VTI1A: variants seen among roughly 807,000 people sequenced by gnomAD.
The protein encoded by VTI1A is vesicle transport through interaction with t-SNAREs 1A, also known as vesicle transport through interaction with t-SNAREs homolog 1A.
VTI1A carries 22 observed loss-of-function variants against 34.9 expected under a neutral mutation model. The observed-to-expected ratio is 0.63, with a 90% confidence interval of 0.45 to 0.90. The LOEUF (loss-of-function observed/expected upper bound fraction) is 0.90, where lower values mean the gene tolerates loss of function less well. VTI1A is among the 40% of genes least tolerant of loss of function. The pLI, the probability that VTI1A is intolerant of heterozygous loss-of-function variation, is 0.00. For synonymous variants in VTI1A, 87 were observed against 97.3 expected, an observed-to-expected ratio of 0.89 and a Z score of 0.62; for missense variants, 268 against 275.6, an observed-to-expected ratio of 0.97 and a Z score of 0.20.
intron 5 of VTI1A, among the ~76,000 whole-genome samples, chr10:112,625,008 G>T (rs1845868348): frequency 6.6e-6 from 1 of 152,170 alleles, no homozygotes; most frequent in Admixed American, 6.5e-5. Flanking sequence ...TGAGGCAGGA[G>T]GATCACTTGA....
At chr10:112,452,734 TTTTG>T (rs1489940124) in intron 1 of VTI1A, among the ~76,000 whole-genome samples, 1 of 151,644 alleles carries the variant, frequency 6.6e-6, no homozygotes, top group Non-Finnish European at 1.5e-5. Context: ...AGTCTTTTGT[TTTTG>T]TTTTTTTTTT....
intron 2 of VTI1A, among the ~76,000 whole-genome samples, chr10:112,462,202 A>T (rs1040381876): frequency 3.3e-5 from 5 of 152,174 alleles, no homozygotes; most frequent in African/African-American, 1.2e-4. Context: ...TGATTTGACT[A>T]TTGGGATTAA....
intron 7 of VTI1A, among the ~76,000 whole-genome samples, chr10:112,690,723 TG>T (rs1848583318): frequency 6.6e-6 from 1 of 152,202 alleles, no homozygotes; most frequent in Admixed American, 6.5e-5. Flanking sequence ...GCTGGCTAGT[TG>T]TAAAAATGAA....
At chr10:112,589,016 G>GACTTTTTTTTTTTT (rs1564838936) in intron 5 of VTI1A, among the ~76,000 whole-genome samples, 1 of 85,272 alleles carries the variant, frequency 1.2e-5, no homozygotes. Context: ...TTGACTCCTT[G>GACTTTTTTTTTTTT]TCTTTTTTTT....
chr10:112,777,026 G>A (rs1017026302), intron 7 of VTI1A, among the ~76,000 whole-genome samples: 2 of 152,138 alleles, frequency 1.3e-5, no homozygotes, highest in African/African-American at 2.4e-5. Context: ...TGCTTAGTAA[G>A]AGAAACTAAA....
intron 7 of VTI1A, among the ~76,000 whole-genome samples, chr10:112,684,165 G>GT (rs777594326): frequency 9.9e-5 from 15 of 152,008 alleles, no homozygotes; most frequent in Non-Finnish European, 1.9e-4. Context: ...TTTTATTCCA[G>GT]TTTTTTCTGT....
chr10:112,499,045 A>G (rs916197134), intron 3 of VTI1A, among the ~76,000 whole-genome samples: 1 of 152,218 alleles, frequency 6.6e-6, no homozygotes, highest in Non-Finnish European at 1.5e-5. Flanking sequence ...AGGCTTTGGG[A>G]AAAGTTGCCT....
intron 7 of VTI1A, among the ~76,000 whole-genome samples, chr10:112,670,097 A>G (rs1847795808): frequency 6.6e-6 from 1 of 152,168 alleles, no homozygotes; most frequent in African/African-American, 2.4e-5. Flanking sequence ...TGGCCTAAGA[A>G]AAACTCAGAA....
intron 7 of VTI1A, among the ~76,000 whole-genome samples, chr10:112,794,050 A>G (rs1852585754): frequency 1.3e-5 from 2 of 152,206 alleles, no homozygotes; most frequent in South Asian, 4.1e-4. Context: ...TTATTTCACC[A>G]GAACTCAAAC....
intron 3 of VTI1A, among the ~76,000 whole-genome samples, chr10:112,518,609 A>ATGTGTG (rs1564809966): frequency 5.0e-5 from 7 of 140,866 alleles, no homozygotes; most frequent in African/African-American, 1.8e-4. Flanking sequence ...ATATATATAT[A>ATGTGTG]TATGTGTGTG....
intron 7 of VTI1A, among the ~76,000 whole-genome samples, chr10:112,749,895 A>T (rs1239054682): frequency 6.6e-6 from 1 of 152,208 alleles, no homozygotes; most frequent in Non-Finnish European, 1.5e-5. Flanking sequence ...GTAGCATACT[A>T]TATAGCTGTT....
chr10:112,546,719 C>G (rs1336665437), intron 5 of VTI1A, among the ~76,000 whole-genome samples: 3 of 151,976 alleles, frequency 2.0e-5, no homozygotes, highest in Non-Finnish European at 4.4e-5. Flanking sequence ...TCCTGCATAT[C>G]TTGTTTCATT....
chr10:112,728,666 A>C (rs1189969411), intron 7 of VTI1A, among the ~76,000 whole-genome samples: 1 of 152,198 alleles, frequency 6.6e-6, no homozygotes, highest in Non-Finnish European at 1.5e-5. Flanking sequence ...TGGAAGAAAA[A>C]AAATAGAATC....
intron 7 of VTI1A, among the ~76,000 whole-genome samples, chr10:112,719,942 T>C (rs1849742303): frequency 6.6e-6 from 1 of 152,268 alleles, no homozygotes; most frequent in African/African-American, 2.4e-5. Flanking sequence ...ACTAGTATAC[T>C]TCCTGTCTCT....
At chr10:112,749,965 T>G (rs73352409) in intron 7 of VTI1A, among the ~76,000 whole-genome samples, 1 of 152,212 alleles carries the variant, frequency 6.6e-6, no homozygotes, top group Non-Finnish European at 1.5e-5. Context: ...AAGATAATTT[T>G]CAAATATGCT....
At chr10:112,636,992 G>A (rs1423501441) in intron 5 of VTI1A, among the ~76,000 whole-genome samples, 1 of 152,134 alleles carries the variant, frequency 6.6e-6, no homozygotes, top group African/African-American at 2.4e-5. Context: ...TATTCTTCTA[G>A]AACCTAGAGG....
chr10:112,710,592 G>A (rs1849378118), intron 7 of VTI1A, among the ~76,000 whole-genome samples: 1 of 152,194 alleles, frequency 6.6e-6, no homozygotes, highest in African/African-American at 2.4e-5. Flanking sequence ...TTATATAAAA[G>A]CATGGAATGA....
At chr10:112,796,108 C>T (rs898936338) in intron 7 of VTI1A, among the ~76,000 whole-genome samples, 5 of 152,134 alleles carry the variant, frequency 3.3e-5, no homozygotes, top group African/African-American at 1.2e-4. Context: ...GATCTAAAAG[C>T]TGTCACGGGG....
intron 7 of VTI1A, among the ~76,000 whole-genome samples, chr10:112,803,190 T>C (rs1367558216): frequency 6.6e-6 from 1 of 152,198 alleles, no homozygotes; most frequent in African/African-American, 2.4e-5. Context: ...TGCCTTAGCC[T>C]CCCAAGTAGC....
Sources: allele counts gnomAD v4.1 joint callset (sites outside exome capture counted in the v4.1 genomes callset), GRCh38; gene constraint gnomAD v4.1.1; transcripts MANE v1.5; gene names NCBI Gene and HGNC (gene_info 2026-07-23, HGNC 2026-07-21).